Variants in FAM135B observed in about 807,000 individuals in gnomAD.
FAM135B encodes the protein protein FAM135B.
FAM135B carries 43 observed loss-of-function variants against 127.7 expected under a neutral mutation model. That is an observed-to-expected ratio of 0.34 (90% confidence interval 0.26 to 0.43). The LOEUF (loss-of-function observed/expected upper bound fraction) is 0.43, where lower values mean the gene tolerates loss of function less well. Ranked by LOEUF, FAM135B falls within the 20% of genes least tolerant of loss-of-function variation. FAM135B has a pLI of 1.00. For synonymous variants in FAM135B, 670 were observed against 665.1 expected, an observed-to-expected ratio of 1.01 and a Z score of -0.11; for missense variants, 1,558 against 1,725.6, an observed-to-expected ratio of 0.90 and a Z score of 1.72.
At chr8:138,316,053 T>C (rs951541860) in intron 2 of FAM135B, among the ~76,000 whole-genome samples, 2 of 152,154 alleles carry the variant, frequency 1.3e-5, no homozygotes, top group African/African-American at 2.4e-5. Context: ...AAAAAAAGAA[T>C]GCCACTTTGG....
At chr8:138,297,977 T>C (rs1426200374) in intron 3 of FAM135B, among the ~76,000 whole-genome samples, 1 of 152,156 alleles carries the variant, frequency 6.6e-6, no homozygotes, top group South Asian at 2.1e-4. Context: ...CAAACAACAC[T>C]TGCCCAGACC....
At chr8:138,461,725 G>A (rs924478291) in intron 1 of FAM135B, among the ~76,000 whole-genome samples, 3 of 152,106 alleles carry the variant, frequency 2.0e-5, no homozygotes, top group Non-Finnish European at 4.4e-5. Context: ...AATCATCCTA[G>A]GACCTCACAG....
chr8:138,237,436 C>T (rs1820388699), intron 7 of FAM135B, among the ~76,000 whole-genome samples: 3 of 152,134 alleles, frequency 2.0e-5, no homozygotes, highest in African/African-American at 7.2e-5. Flanking sequence ...GCTGGGACTA[C>T]AGGCGTGAGC....
rs969720313 is a variant in FAM135B at position 138,207,872 on chromosome 8, G to A, written c.670-10203C>T. Among the ~76,000 whole-genome samples the A allele has an allele frequency of 2.0e-5, 3 of 152,322 alleles. No individual in the cohort carries two copies. In the East Asian group the frequency reaches 5.8e-4, roughly 29 times the overall value. Reference sequence around the variant, plus strand: ...GTGAAGGAGGCATCCTGCAAGGGAGGCTGGTAGCTGATAGCACTGCCATAC... The same window carrying A: ...GTGAAGGAGGCATCCTGCAAGGGAGACTGGTAGCTGATAGCACTGCCATAC... On this transcript the variant is annotated intron_variant, in intron 7 of 19. Transcript: ENST00000395297.
intron 1 of FAM135B, among the ~76,000 whole-genome samples, chr8:138,470,690 A>T (rs2131646461): frequency 6.6e-6 from 1 of 152,316 alleles, no homozygotes; most frequent in African/African-American, 2.4e-5. Context: ...ACAACTGGGT[A>T]CTAGAGACAA....
chr8:138,458,717 G>A (rs186381032), intron 1 of FAM135B, among the ~76,000 whole-genome samples: 28 of 152,226 alleles, frequency 1.8e-4, no homozygotes, highest in African/African-American at 6.7e-4. Flanking sequence ...GTGAGTAGTT[G>A]AGTCAGGGAC....
At chr8:138,440,967 A>G (rs1361951429) in intron 1 of FAM135B, 2 of 152,178 alleles carry the variant, frequency 1.3e-5, no homozygotes, top group Non-Finnish European at 2.9e-5. Context: ...ACACTAGAAT[A>G]CTAAACACAG....
At chr8:138,237,690 C>T (rs1586849007) in intron 7 of FAM135B, among the ~76,000 whole-genome samples, 1 of 152,130 alleles carries the variant, frequency 6.6e-6, no homozygotes, top group Non-Finnish European at 1.5e-5. Context: ...CAGTTGAAGA[C>T]CTTTCAGTAG....
intron 1 of FAM135B, among the ~76,000 whole-genome samples, chr8:138,443,638 G>A (rs906815917): frequency 2.0e-5 from 3 of 152,190 alleles, no homozygotes; most frequent in African/African-American, 7.2e-5. Flanking sequence ...GACAAGGGCT[G>A]TTCCCAATAC....
chr8:138,394,919 G>C (rs904290099), intron 1 of FAM135B, among the ~76,000 whole-genome samples: 1 of 152,150 alleles, frequency 6.6e-6, no homozygotes, highest in Non-Finnish European at 1.5e-5. Flanking sequence ...ACAGATTCAG[G>C]GGCCAAAGGG....
intron 1 of FAM135B, among the ~76,000 whole-genome samples, chr8:138,446,772 A>G (rs1836187018): frequency 6.6e-6 from 1 of 152,030 alleles, no homozygotes; most frequent in East Asian, 1.9e-4. Flanking sequence ...AAAACACCAA[A>G]AGCAATGGCA....
chr8:138,447,355 C>G (rs562951159), intron 1 of FAM135B, among the ~76,000 whole-genome samples: 34 of 151,990 alleles, frequency 2.2e-4, no homozygotes, highest in African/African-American at 8.0e-4. Context: ...CACATGCACA[C>G]ATATGTTTAT....
chr8:138,452,740 T>G (rs2131591625), intron 1 of FAM135B, among the ~76,000 whole-genome samples: 1 of 152,260 alleles, frequency 6.6e-6, no homozygotes, highest in East Asian at 1.9e-4. Context: ...AGATGTCAGT[T>G]AGGGCTACTG....
At chr8:138,348,647 G>T (rs1829576986) in intron 2 of FAM135B, among the ~76,000 whole-genome samples, 1 of 152,118 alleles carries the variant, frequency 6.6e-6, no homozygotes, top group South Asian at 2.1e-4. Flanking sequence ...TTTCATTGAG[G>T]ACAATTCATT....
intron 1 of FAM135B, among the ~76,000 whole-genome samples, chr8:138,489,232 A>AC (rs1474074426): frequency 6.6e-6 from 1 of 152,120 alleles, no homozygotes; most frequent in African/African-American, 2.4e-5. Context: ...CCTCCTGAAA[A>AC]CCTGTTCTTT....
At chr8:138,275,304 C>CA (rs1823732026) in intron 3 of FAM135B, among the ~76,000 whole-genome samples, 1 of 152,130 alleles carries the variant, frequency 6.6e-6, no homozygotes, top group Non-Finnish European at 1.5e-5. Context: ...CTATCTCTTT[C>CA]AAAAAATGTT....
intron 1 of FAM135B, among the ~76,000 whole-genome samples, chr8:138,413,494 A>G (rs1377630523): frequency 2.6e-5 from 4 of 152,210 alleles, no homozygotes; most frequent in Non-Finnish European, 5.9e-5. Flanking sequence ...AAGAAACTAG[A>G]ACATCTGACT....
chr8:138,471,264 G>A (rs776111305), intron 1 of FAM135B, among the ~76,000 whole-genome samples: 7 of 150,638 alleles, frequency 4.6e-5, no homozygotes, highest in Non-Finnish European at 8.9e-5. Flanking sequence ...GCCTTGTGGG[G>A]TTCCTAGGGA....
At chr8:138,239,332 G>A (rs952941621) in intron 7 of FAM135B, among the ~76,000 whole-genome samples, 2 of 152,160 alleles carry the variant, frequency 1.3e-5, no homozygotes, top group African/African-American at 4.8e-5. Context: ...ATTTTTTCAT[G>A]TGTCTATTGG....
Sources: gnomAD v4.1 joint callset for allele counts (sites outside exome capture counted in the v4.1 genomes callset) on GRCh38, gnomAD v4.1.1 for gene constraint, MANE v1.5 for transcripts, NCBI Gene and HGNC (gene_info 2026-07-23, HGNC 2026-07-21) for gene names.